Variants in CUL9 observed in about 807,000 individuals in gnomAD.
CUL9 encodes cullin-9.
CUL9 carries 79 observed loss-of-function variants against 272.6 expected under a neutral mutation model. That is an observed-to-expected ratio of 0.29 (90% CI 0.24 to 0.35). The LOEUF is 0.35. CUL9 is among the 10% of genes least tolerant of loss of function. The pLI, the probability that CUL9 is intolerant of heterozygous loss-of-function variation, is 1.00. For synonymous variants in CUL9, 1,186 were observed against 1,286.5 expected (o/e 0.92, Z 1.67); for missense variants, 2,532 against 3,255.6 (o/e 0.78, Z 5.41).
rs1255215460 is a variant in CUL9, at chr6:43,198,728, G to A, written c.2923G>A (p.Gly975Ser). ...CTTGGAGCGTGTGCTGTGCCGTGAG[G>A]GCAGCCCCGGAGGTGCCGTGAGGCC... ...LDLERVLCRE[G>S]SPGGAVRPLL... Residue 975 changes from glycine (G) to serine (S), a missense_variant, in exon 12 of 41, where the codon GGC (glycine) becomes AGC (serine). Transcript: ENST00000252050. The A allele has an allele frequency of 8.1e-6, 13 of 1,614,140 alleles. No individual in the cohort carries two copies. The highest frequency in any genetic ancestry group is 1.0e-5 in the Non-Finnish European group (12 of 1,180,008).
rs1371154940 is a variant in CUL9, at chr6:43,220,379, C to T, written c.6283-80C>T. 8.6e-6 allele frequency: 13 copies of T among 1,516,164 alleles called. No individual in the cohort carries two copies. The highest frequency in any genetic ancestry group is 5.5e-5 in the African/African-American group (4 of 73,080). The allele number at this position is 1,516,164 out of a possible 1,614,324, so 93.9% of individuals were successfully genotyped here. A position where few individuals can be genotyped will look rare whatever the true frequency, so the allele number is the denominator to read the frequency against. ...TAGTGGAGGGGAAGGGAAGGAGGGA[C>T]GCTAGCTTAGTTACCAGGACACTCC... On this transcript the variant is annotated intron_variant, in intron 31 of 40. Coordinates refer to ENST00000252050, the MANE Select transcript of CUL9 (RefSeq NM_015089.4). This position sits in a 1 kb window ranked among gnomAD's most constrained non-coding sequence, Gnocchi z 4.9.
chr6:43,216,256 A>T lies in CUL9; in HGVS notation c.6035A>T (p.Gln2012Leu). Reference sequence around the variant, plus strand: ...GGGTTGATGAAGCAGACGGTGCGTCAGGTGCAGGAGACGCTGAACTTAGAG... The same window carrying T: ...GGGTTGATGAAGCAGACGGTGCGTCTGGTGCAGGAGACGCTGAACTTAGAG... ...VEGLMKQTVR[Q>L]VQETLNLEPD... Residue 2012 changes from glutamine to leucine, a missense_variant, in exon 31 of 41, where the codon CAG becomes CTG. This residue lies in a region of CUL9 where 2,218 missense variants were observed against 2,788.6 expected (regional missense o/e 0.80). Transcript: ENST00000252050. 6.2e-7 allele frequency: 1 copy of T among 1,613,860 alleles called. No homozygotes were observed. The highest frequency in any genetic ancestry group is 8.5e-7 in the Non-Finnish European group (1 of 1,179,838).
intron 16 of CUL9, among the ~76,000 whole-genome samples, chr6:43,201,432 A>G (rs1774534187): frequency 6.6e-6 from 1 of 152,184 alleles, no homozygotes; most frequent in African/African-American, 2.4e-5. Flanking sequence ...GAGGGACTTT[A>G]AGTCATCATA....
rs371581531 is a variant in CUL9 at position 43,204,425 on chromosome 6, C to T, written c.4225C>T (p.Arg1409Trp). 3.1e-5 allele frequency: 50 copies of T among 1,614,052 alleles called. No homozygotes were observed. The highest frequency in any genetic ancestry group is 4.5e-5 in the East Asian group (2 of 44,888). Residue 1409 changes from arginine (R) to tryptophan (W), a missense_variant, in exon 21 of 41, where the codon CGG becomes TGG. Around this residue, in one of 3 missense-constraint regions of CUL9, gnomAD observed 2,218 missense variants for 2,788.6 expected, o/e 0.80. Transcript: ENST00000252050. ...DQYLEQRETS[R>W]NPLSRAASFA... is the part of the protein sequence containing the mutation. ...GTACTTAGAACAGAGAGAGACCTCT[C>T]GGAACCCCTTGAGTCGAGCAGCGTC...
At position 43,224,027 on chromosome 6, in the gene CUL9, A is replaced by C; in HGVS notation, c.7285-68A>C. ...CTTGGCCCTCCCAGAGCATCAGTGGAAGGAATGCTGGGTCCAAAGGCCCCA... is the reference window on the plus strand; with the variant it reads ...CTTGGCCCTCCCAGAGCATCAGTGGCAGGAATGCTGGGTCCAAAGGCCCCA... On this transcript the variant is annotated intron_variant, in intron 39 of 40. Coordinates refer to ENST00000252050, the MANE Select transcript of CUL9 (RefSeq NM_015089.4). This position sits in a 1 kb window ranked among gnomAD's most constrained non-coding sequence, Gnocchi z 4.2. 2 of 1,475,002 alleles carry C rather than the reference A, an allele frequency of 1.4e-6. No individual in the cohort carries two copies. Among genetic ancestry groups the C allele is most frequent in the South Asian group, 2.3e-5 (2 of 88,134 alleles). 91.4% of individuals were successfully genotyped at this position (1,475,002 alleles called of 1,614,324 possible).
Position 43,200,887 on chromosome 6 carries a change from A to G in CUL9, c.3647+53A>G. 1 of 1,605,824 alleles carries G rather than the reference A, an allele frequency of 6.2e-7. No homozygotes were observed. The highest frequency in any genetic ancestry group is 8.5e-7 in the Non-Finnish European group (1 of 1,173,462). On this transcript the variant is annotated intron_variant, in intron 16 of 40. Transcript: ENST00000252050. The surrounding 1 kb of genome is among the most constrained non-coding windows in gnomAD (Gnocchi z 4.0). ...GCTGTGCCCCAGGATACTTCCCCAA[A>G]GCACCCAGATACACACAACCCCAGC... is the stretch of plus-strand genomic sequence containing the variant.
chr6:43,188,419 T>C, intron 7 of CUL9, 104 bp from the exon 8 acceptor site: 1 of 1,138,076 alleles, frequency 8.8e-7, no homozygotes, highest in Non-Finnish European at 1.2e-6. Context: ...CAGTAGCCGA[T>C]AATGTGTTTA....
rs115411050 is a variant in CUL9 at position 43,183,406 on chromosome 6, C to T, written c.-9-896C>T. 4.7e-3 allele frequency among the ~76,000 whole-genome samples: 720 copies of T among 152,266 alleles called. 5 individuals carry two copies. The highest frequency in any genetic ancestry group is 0.016 in the African/African-American group (653 of 41,554). On this transcript the variant is annotated intron_variant, in intron 1 of 40. Transcript: ENST00000252050. ...CCCCAACATCCCAGCCTTTTGTCAT[C>T]TCCATTCTCTATATCTGCCATGGCC...
chr6:43,191,854 G>A (rs1299355871), intron 8 of CUL9, among the ~76,000 whole-genome samples: 1 of 151,086 alleles, frequency 6.6e-6, no homozygotes, highest in African/African-American at 2.4e-5. Context: ...CAAAGTGCTG[G>A]GATTACAGGT....
chr6:43,210,218 C>A (rs1775365816), intron 26 of CUL9, among the ~76,000 whole-genome samples: 1 of 152,212 alleles, frequency 6.6e-6, no homozygotes, highest in Non-Finnish European at 1.5e-5. Flanking sequence ...ACCTTGTGAA[C>A]TGCCCACCTT....
Position 43,213,599 on chromosome 6 carries a change from C to G in CUL9, c.5488+32C>G. 3 of 1,606,870 alleles carry G rather than the reference C, an allele frequency of 1.9e-6. No individual in the cohort carries two copies. In the South Asian group the frequency reaches 3.3e-5, roughly 18 times the overall value. ...CATTGGGGGCCGGGCTGAGCCTCTG[C>G]TGCTGGTCGGGGGGTCGCCCTCAAG... On this transcript the variant is annotated intron_variant, in intron 28 of 40. Transcript: ENST00000252050. This position sits in a 1 kb window ranked among gnomAD's most constrained non-coding sequence, Gnocchi z 5.7.
At chr6:43,191,349 G>A (rs1338046655) in intron 8 of CUL9, among the ~76,000 whole-genome samples, 1 of 148,570 alleles carries the variant, frequency 6.7e-6, no homozygotes, top group Non-Finnish European at 1.5e-5. Context: ...GTCTCAGTCT[G>A]TTGACCGGGC....
In CUL9 at chr6:43,213,036, C is replaced by A; in HGVS notation, c.5213-113C>A. The A allele has an allele frequency of 8.4e-7, 1 of 1,197,100 alleles. No homozygotes were observed. The highest frequency in any genetic ancestry group is 1.2e-6 in the Non-Finnish European group (1 of 851,606). The allele number at this position is 1,197,100 out of a possible 1,614,324, so 74.2% of individuals were successfully genotyped here. On this transcript the variant is annotated intron_variant, in intron 26 of 40. Transcript: ENST00000252050. The surrounding 1 kb of genome is among the most constrained non-coding windows in gnomAD (Gnocchi z 5.7). ...CAAGGTATCTCTCTGTCTGAAAATG[C>A]TGGGGCCCTCCTCCCCATAGGGACT...
In CUL9 at chr6:43,200,325, A is replaced by G. The variant is rs770422693; in HGVS notation, c.3385-111A>G. On this transcript the variant is annotated intron_variant, in intron 14 of 40. Transcript: ENST00000252050. This position sits in a 1 kb window ranked among gnomAD's most constrained non-coding sequence, Gnocchi z 4.0. ...TGGTTCTGTCAAAATGTGGGGAGAG[A>G]GGAGTTGAGTATACCGTTGACCCTT... 1 of 1,560,216 alleles carries G rather than the reference A, an allele frequency of 6.4e-7. No homozygotes were observed. Among genetic ancestry groups the G allele is most frequent in the Non-Finnish European group, 8.8e-7 (1 of 1,138,080 alleles).
Position 43,223,938 on chromosome 6 carries a change from G to T in CUL9, c.7285-157G>T, listed in dbSNP as rs1776592421. On this transcript the variant is annotated intron_variant, in intron 39 of 40. Transcript: ENST00000252050. The surrounding 1 kb of genome is among the most constrained non-coding windows in gnomAD (Gnocchi z 4.1). ...CCGTATCCCTGGAGACCATCTGTGGGTGAACTCACAAAGGCAGTGTTTCAT... is the reference window on the plus strand; with the variant it reads ...CCGTATCCCTGGAGACCATCTGTGGTTGAACTCACAAAGGCAGTGTTTCAT... The T allele has an allele frequency of 2.8e-6, 2 of 726,138 alleles. No individual in the cohort carries two copies. Among genetic ancestry groups the T allele is most frequent in the South Asian group, 3.1e-5 (2 of 63,810 alleles). The allele number at this position is 726,138 out of a possible 1,614,324, so 45.0% of individuals were successfully genotyped here.
chr6:43,193,290 G>T (rs1336038184), intron 9 of CUL9, 82 bp downstream of exon 9: 1 of 1,265,956 alleles, frequency 7.9e-7, no homozygotes, highest in East Asian at 2.3e-5. Context: ...GGGTACTTTG[G>T]TGCTTCAGAT....
At chr6:43,201,175 A>G (rs183904466) in intron 16 of CUL9, among the ~76,000 whole-genome samples, 42 of 152,346 alleles carry the variant, frequency 2.8e-4, no homozygotes, top group African/African-American at 9.4e-4. Context: ...TAGAAGGACA[A>G]TAAGATATGG....
chr6:43,214,177 T>A (rs945878288), intron 29 of CUL9, among the ~76,000 whole-genome samples: 1 of 152,244 alleles, frequency 6.6e-6, no homozygotes, highest in African/African-American at 2.4e-5. Context: ...CCTAGCACTT[T>A]GGGAGGCCAA....
Position 43,200,603 on chromosome 6 carries a change from T to C in CUL9, c.3476-60T>C, listed in dbSNP as rs1774438138. 8.7e-6 allele frequency: 14 copies of C among 1,613,442 alleles called. No individual in the cohort carries two copies. The South Asian group carries it at 1.5e-4, about 18-fold the overall frequency. On this transcript the variant is annotated intron_variant, in intron 15 of 40. Coordinates refer to ENST00000252050, the MANE Select transcript of CUL9 (RefSeq NM_015089.4). This position sits in a 1 kb window ranked among gnomAD's most constrained non-coding sequence, Gnocchi z 4.0. ...CCTTCCCTTCCTGCTCCTTAGACCTTTTCCTTTTTCCTCTCAACTAACCTA... is the reference window on the plus strand; with the variant it reads ...CCTTCCCTTCCTGCTCCTTAGACCTCTTCCTTTTTCCTCTCAACTAACCTA...
Sources: allele counts gnomAD v4.1 joint callset (sites outside exome capture counted in the v4.1 genomes callset), GRCh38; gene constraint gnomAD v4.1.1; regional missense constraint gnomAD v4.1.1; non-coding constraint Gnocchi (gnomAD v3.1); transcripts MANE v1.5; gene names NCBI Gene and HGNC (gene_info 2026-07-23, HGNC 2026-07-21).